Variants in SCN11A observed in about 807,000 individuals in gnomAD.
SCN11A encodes the protein sodium channel protein type 11 subunit alpha.
SCN11A carries 122 observed loss-of-function variants against 162.2 expected under a neutral mutation model. The ratio of observed to expected loss-of-function variants is 0.75; its 90% CI spans 0.65 to 0.87. The LOEUF (loss-of-function observed/expected upper bound fraction) is 0.87, where lower values mean the gene tolerates loss of function less well. Ranked by LOEUF, SCN11A falls within the 40% of genes least tolerant of loss-of-function variation. The pLI is 0.00. For synonymous variants in SCN11A, 758 were observed against 751.5 expected (o/e 1.01, Z -0.14); for missense variants, 2,015 against 2,181.6 (o/e 0.92, Z 1.52).
At chr3:39,037,047 A>C (rs929909660) in intron 1 of SCN11A, among the ~76,000 whole-genome samples, 1 of 152,256 alleles carries the variant, frequency 6.6e-6, no homozygotes, top group Non-Finnish European at 1.5e-5. Context: ...AGCTCTACTC[A>C]TAATAGCCAA....
intron 7 of SCN11A, among the ~76,000 whole-genome samples, chr3:38,929,005 T>C (rs1156759434): frequency 6.6e-6 from 1 of 152,154 alleles, no homozygotes; most frequent in African/African-American, 2.4e-5. Flanking sequence ...AGCAGCACTG[T>C]TCATAATAAC....
chr3:38,885,726 G>T (rs1274181574), intron 20 of SCN11A, among the ~76,000 whole-genome samples: 1 of 152,142 alleles, frequency 6.6e-6, no homozygotes, highest in Non-Finnish European at 1.5e-5. Flanking sequence ...TGAGAAGAAG[G>T]CTACTTTACT....
In SCN11A at chr3:38,870,676, A is replaced by G; in HGVS notation, c.3813+15T>C. ...TGACCATAACACTCCAGAACATGGTAGAACACTGACTCACCTCTGTGGAAT... is the reference window on the plus strand; with the variant it reads ...TGACCATAACACTCCAGAACATGGTGGAACACTGACTCACCTCTGTGGAAT... On this transcript the variant is annotated intron_variant, in intron 26 of 29. Coordinates refer to ENST00000302328, the MANE Select transcript of SCN11A (RefSeq NM_001349253.2). 6.2e-7 allele frequency: 1 copy of G among 1,610,192 alleles called. No homozygotes were observed. Among genetic ancestry groups the G allele is most frequent in the Non-Finnish European group, 8.5e-7 (1 of 1,176,526 alleles).
chr3:38,913,821 C>A (rs994235943), intron 11 of SCN11A, among the ~76,000 whole-genome samples: 1 of 152,124 alleles, frequency 6.6e-6, no homozygotes, highest in African/African-American at 2.4e-5. Flanking sequence ...AGCCTTATTT[C>A]TGGGCTCTCT....
chr3:39,014,405 C>T (rs1367619587), intron 2 of SCN11A, among the ~76,000 whole-genome samples: 1 of 152,186 alleles, frequency 6.6e-6, no homozygotes, highest in African/African-American at 2.4e-5. Flanking sequence ...TAAAAAGGAG[C>T]CCCTCCCATT....
At chr3:38,896,783 A>G in intron 18 of SCN11A, 62 bp downstream of exon 18, 1 of 1,311,630 alleles carries the variant, frequency 7.6e-7, no homozygotes, top group Non-Finnish European at 1.0e-6. Flanking sequence ...CAAATGAAGT[A>G]ATGCATTTGA....
rs1015057185 is a variant in SCN11A at position 39,001,930 on chromosome 3, A to G, written c.-280+30450T>C. On this transcript the variant is annotated intron_variant, in intron 2 of 29. Transcript: ENST00000302328. The stretch of plus-strand genomic sequence containing the variant: ...CGGGCGCCTGTAGTCCCAGCTACTC[A>G]GGAGGCTGAGGCAGGAGAATGGCGT... Among the ~76,000 whole-genome samples, 8 of 152,140 alleles carry G rather than the reference A, an allele frequency of 5.3e-5. No homozygotes were observed. In the East Asian group the frequency reaches 1.6e-3, roughly 29 times the overall value.
intron 13 of SCN11A, 46 bp from the exon 14 acceptor site, chr3:38,908,168 A>C: frequency 6.4e-7 from 1 of 1,553,176 alleles, no homozygotes; most frequent in Non-Finnish European, 8.7e-7. Flanking sequence ...ACACCTCCTC[A>C]TGAAACATTG....
intron 5 of SCN11A, among the ~76,000 whole-genome samples, chr3:38,948,627 T>A (rs1052857531): frequency 6.6e-5 from 10 of 152,234 alleles, no homozygotes; most frequent in African/African-American, 2.4e-4. Context: ...TGATCACACA[T>A]ACCTCACATG....
intron 6 of SCN11A, among the ~76,000 whole-genome samples, chr3:38,946,085 A>G (rs1559549372): frequency 6.6e-6 from 1 of 152,206 alleles, no homozygotes; most frequent in Non-Finnish European, 1.5e-5. Context: ...GGCATACAGC[A>G]GAAATGCTTA....
At chr3:38,902,614 T>G (rs973648490) in intron 16 of SCN11A, among the ~76,000 whole-genome samples, 2 of 151,758 alleles carry the variant, frequency 1.3e-5, no homozygotes, top group Non-Finnish European at 2.9e-5. Flanking sequence ...GCCTCCCTGG[T>G]TCACACCATT....
In SCN11A at chr3:38,847,613, A is replaced by G. The variant is rs1294543814; in HGVS notation, c.4457T>C (p.Leu1486Pro). ...AAGCGACATCATCAGAGCAAAGAGG[A>G]GAGTCCTGATTCCTCGTGCAGCCCG... ...LVRAARGIRTLLFALMMSLPS... is the reference protein window; with the variant it reads ...LVRAARGIRTPLFALMMSLPS... Residue 1486 changes from leucine to proline, a missense_variant, in exon 30 of 30, where the codon CTC becomes CCC. Physicochemically the swap from Leu to Pro is moderately conservative, Grantham distance 98. Transcript: ENST00000302328. 2 of 1,614,094 alleles carry G rather than the reference A, an allele frequency of 1.2e-6. No individual in the cohort carries two copies. Among genetic ancestry groups the G allele is most frequent in the Non-Finnish European group, 1.7e-6 (2 of 1,180,048 alleles).
chr3:38,863,367 G>T, intron 27 of SCN11A, 68 bp from the exon 28 acceptor site: 1 of 781,780 alleles, frequency 1.3e-6, no homozygotes, highest in South Asian at 1.6e-5. Context: ...TGAATTTTTT[G>T]ACACAATTTT....
chr3:38,884,974 C>A (rs2065370718), intron 21 of SCN11A, among the ~76,000 whole-genome samples: 1 of 152,128 alleles, frequency 6.6e-6, no homozygotes, highest in Admixed American at 6.5e-5. Context: ...TCAAATACAC[C>A]CTGACATTGA....
At chr3:38,989,653 G>C (rs773143636) in intron 2 of SCN11A, among the ~76,000 whole-genome samples, 1 of 152,242 alleles carries the variant, frequency 6.6e-6, no homozygotes, top group Non-Finnish European at 1.5e-5. Context: ...AAGAAGTGGA[G>C]AGGCTAGGGT....
intron 7 of SCN11A, among the ~76,000 whole-genome samples, chr3:38,938,328 T>A (rs2066370611): frequency 6.6e-6 from 1 of 151,112 alleles, no homozygotes; most frequent in Non-Finnish European, 1.5e-5. Flanking sequence ...CATGTATACA[T>A]ATGTAACTAA....
At chr3:39,033,958 T>C (rs1004834119) in intron 1 of SCN11A, among the ~76,000 whole-genome samples, 1 of 151,840 alleles carries the variant, frequency 6.6e-6, no homozygotes, top group Admixed American at 6.6e-5. Flanking sequence ...AGGTCAGGAG[T>C]TCGAGACCAG....
At chr3:38,913,330 T>A (rs1229876699) in intron 11 of SCN11A, among the ~76,000 whole-genome samples, 1 of 152,218 alleles carries the variant, frequency 6.6e-6, no homozygotes, top group East Asian at 1.9e-4. Flanking sequence ...TCAGTGGAGT[T>A]GTTTTCTTAT....
chr3:39,002,860 G>A (rs1017043321), intron 2 of SCN11A, among the ~76,000 whole-genome samples: 1 of 152,204 alleles, frequency 6.6e-6, no homozygotes, highest in Non-Finnish European at 1.5e-5. Context: ...GACCCATGGA[G>A]TCAAGCTGAA....
Sources: allele counts gnomAD v4.1 joint callset (sites outside exome capture counted in the v4.1 genomes callset), GRCh38; gene constraint gnomAD v4.1.1; transcripts MANE v1.5; gene names NCBI Gene and HGNC (gene_info 2026-07-23, HGNC 2026-07-21).